The following CR1L variants were observed in gnomAD, a reference collection of about 807,000 sequenced individuals.
The protein encoded by CR1L is complement C3b/C4b receptor 1 like, also known as complement component receptor 1-like protein.
A neutral mutation model predicts 62.3 loss-of-function variants in CR1L; 59 were observed. The observed-to-expected ratio is 0.95, with a 90% CI of 0.77 to 1.18. The LOEUF is 1.18. Ranked by LOEUF, CR1L falls within the 50% of genes most tolerant of loss-of-function variation. The pLI is 0.00. For synonymous variants in CR1L, 279 were observed against 248.7 expected (o/e 1.12, Z -1.15); for missense variants, 700 against 702.8 (o/e 1.00, Z 0.04).
In CR1L at chr1:207,713,496, C is replaced by T. The variant is rs531755826; in HGVS notation, c.1415-3968C>T. ...GAAACATCCCTGTCCAGGCCTTGCT[C>T]TACCCAGGATCAATGCAGGAGACAC... On this transcript the variant is annotated intron_variant, in intron 10 of 11. Coordinates refer to ENST00000508064, the MANE Select transcript of CR1L (RefSeq NM_175710.2). Among the ~76,000 whole-genome samples the T allele has an allele frequency of 3.0e-4, 46 of 152,372 alleles. No homozygotes were observed. The South Asian group carries it at 3.7e-3, about 12-fold the overall frequency.
intron 10 of CR1L, among the ~76,000 whole-genome samples, chr1:207,711,910 AAC>A (rs1553245822): frequency 6.6e-6 from 1 of 152,004 alleles, no homozygotes; most frequent in Admixed American, 6.6e-5. Flanking sequence ...AAAAAAAAAA[AAC>A]ACAAAAAACA....
chr1:207,678,955 C>T (rs1252733353), intron 3 of CR1L, among the ~76,000 whole-genome samples: 5 of 151,738 alleles, frequency 3.3e-5, no homozygotes, highest in Non-Finnish European at 7.4e-5. Context: ...CTCTGTCCTC[C>T]TATGCTGTTC....
chr1:207,665,984 G>C (rs575464436), intron 1 of CR1L, among the ~76,000 whole-genome samples: 1 of 152,142 alleles, frequency 6.6e-6, no homozygotes, highest in Non-Finnish European at 1.5e-5. Context: ...TAGTGAAGCC[G>C]CACTGAGTAG....
chr1:207,715,547 T>A, intron 10 of CR1L: 1 of 467,984 alleles, frequency 2.1e-6, no homozygotes, highest in South Asian at 2.2e-5. Context: ...AAGGGTCTTG[T>A]AGGACTTTTC....
At position 207,646,148 on chromosome 1, in the gene CR1L, T is replaced by C. The variant is rs1209670268; in HGVS notation, c.97+818T>C. On this transcript the variant is annotated intron_variant, in intron 1 of 11. Coordinates refer to ENST00000508064, the MANE Select transcript of CR1L (RefSeq NM_175710.2). Reference sequence around the variant, plus strand: ...GGGGGGTGGGTGGGCCATCGAGTCATCTTCCTGTTCCCAACCAATATAGAC... The same window carrying C: ...GGGGGGTGGGTGGGCCATCGAGTCACCTTCCTGTTCCCAACCAATATAGAC... Among the ~76,000 whole-genome samples the C allele has an allele frequency of 2.0e-5, 3 of 152,090 alleles. No individual in the cohort carries two copies. In the East Asian group the frequency reaches 5.8e-4, roughly 29 times the overall value.
At position 207,706,013 on chromosome 1, in the gene CR1L, G is replaced by GTGTATATA. The variant is rs1439643752; in HGVS notation, c.1329-2164_1329-2163insGTATATAT. On this transcript the variant is annotated intron_variant, in intron 9 of 11. Transcript: ENST00000508064. ...GTGTCATATATATGTGTGTGTGTAT[G>GTGTATATA]TATATATATATATATATATATATAT... is the stretch of plus-strand genomic sequence containing the variant. Among the ~76,000 whole-genome samples the GTGTATATA allele has an allele frequency of 4.3e-4, 57 of 133,602 alleles. 1 individual carries two copies. The highest frequency in any genetic ancestry group is 7.2e-4 in the Non-Finnish European group (44 of 60,982). 87.6% of individuals were successfully genotyped at this position (133,602 alleles called of 152,430 possible).
At chr1:207,655,556 T>C (rs1663294859) in intron 1 of CR1L, among the ~76,000 whole-genome samples, 1 of 152,190 alleles carries the variant, frequency 6.6e-6, no homozygotes, top group Non-Finnish European at 1.5e-5. Flanking sequence ...CACTGCAACC[T>C]CAGCCTCCTG....
At chr1:207,663,760 C>T (rs1305822766) in intron 1 of CR1L, among the ~76,000 whole-genome samples, 1 of 152,182 alleles carries the variant, frequency 6.6e-6, no homozygotes. Context: ...CCTATTCGGC[C>T]ATCTTGGCTC....
chr1:207,666,049 G>C (rs1177822839), intron 1 of CR1L, among the ~76,000 whole-genome samples: 1 of 152,154 alleles, frequency 6.6e-6, no homozygotes, highest in Admixed American at 6.5e-5. Context: ...GTTATGCATG[G>C]AGGAGAAAGA....
chr1:207,691,755 A>G (rs1398997460), intron 4 of CR1L, among the ~76,000 whole-genome samples: 1 of 152,258 alleles, frequency 6.6e-6, no homozygotes, highest in African/African-American at 2.4e-5. Flanking sequence ...CAACGCAAGT[A>G]CCCAAACTAT....
chr1:207,688,271 G>A (rs1558019388), intron 4 of CR1L, among the ~76,000 whole-genome samples: 1 of 152,106 alleles, frequency 6.6e-6, no homozygotes, highest in Admixed American at 6.5e-5. Flanking sequence ...GTGAGACCCT[G>A]TTTCTTATGG....
At chr1:207,658,410 T>G in intron 1 of CR1L, 1 of 151,894 alleles carries the variant, frequency 6.6e-6, no homozygotes, top group Admixed American at 6.6e-5. Context: ...AAGACACAAA[T>G]TAACCAATAC....
chr1:207,663,254 A>C (rs1396896687), intron 1 of CR1L, among the ~76,000 whole-genome samples: 1 of 152,220 alleles, frequency 6.6e-6, no homozygotes, highest in African/African-American at 2.4e-5. Flanking sequence ...TGGAGCCTAC[A>C]GAGGCAGGCA....
chr1:207,674,560 C>T (rs1448312023), intron 1 of CR1L, among the ~76,000 whole-genome samples: 3 of 152,154 alleles, frequency 2.0e-5, no homozygotes, highest in African/African-American at 7.2e-5. Context: ...CTATACTATG[C>T]ATATACTACT....
chr1:207,648,528 C>A (rs1663171416), intron 1 of CR1L, among the ~76,000 whole-genome samples: 1 of 152,150 alleles, frequency 6.6e-6, no homozygotes, highest in African/African-American at 2.4e-5. Flanking sequence ...TGGTGCTGTG[C>A]ATGGGAGACC....
At chr1:207,669,062 A>G (rs1039433165) in intron 1 of CR1L, 3 of 225,876 alleles carry the variant, frequency 1.3e-5, no homozygotes, top group African/African-American at 2.4e-5. Flanking sequence ...CTTCCCACAC[A>G]CATTCTTGCA....
In CR1L at chr1:207,647,489, T is replaced by C. The variant is rs189345725; in HGVS notation, c.97+2159T>C. Reference sequence around the variant, plus strand: ...ACCCTTTTAAAGTGATCTTTTCTGTTCTCTGTCTCTCCCCATCAGAATGCA... The same window carrying C: ...ACCCTTTTAAAGTGATCTTTTCTGTCCTCTGTCTCTCCCCATCAGAATGCA... On this transcript the variant is annotated intron_variant, in intron 1 of 11. Coordinates refer to ENST00000508064, the MANE Select transcript of CR1L (RefSeq NM_175710.2). Among the ~76,000 whole-genome samples the C allele has an allele frequency of 2.2e-3, 332 of 152,320 alleles. 3 individuals carry two copies. The highest frequency in any genetic ancestry group is 7.3e-3 in the African/African-American group (303 of 41,566).
At chr1:207,662,648 A>G (rs1193648576) in intron 1 of CR1L, among the ~76,000 whole-genome samples, 2 of 152,116 alleles carry the variant, frequency 1.3e-5, no homozygotes, top group Non-Finnish European at 2.9e-5. Flanking sequence ...CTCTCAACTC[A>G]TCAAAGTCAT....
chr1:207,692,929 C>G (rs1247077754), intron 4 of CR1L, among the ~76,000 whole-genome samples: 1 of 152,138 alleles, frequency 6.6e-6, no homozygotes, highest in East Asian at 1.9e-4. Flanking sequence ...TCTATCAATC[C>G]TATATGAAAC....
Sources: allele counts gnomAD v4.1 joint callset (sites outside exome capture counted in the v4.1 genomes callset), GRCh38; gene constraint gnomAD v4.1.1; transcripts MANE v1.5; gene names NCBI Gene and HGNC (gene_info 2026-07-23, HGNC 2026-07-21).